Variants in CNTNAP2 observed in about 807,000 individuals in gnomAD.
CNTNAP2 encodes the protein contactin associated protein 2.
In CNTNAP2, 98 loss-of-function variants were observed where a neutral mutation model predicts 155.2. The ratio of observed to expected loss-of-function variants is 0.63; its 90% CI spans 0.54 to 0.75. The LOEUF (loss-of-function observed/expected upper bound fraction) is 0.75. Among genes scored for constraint, CNTNAP2 ranks in the 30% least tolerant of loss-of-function variants. CNTNAP2 has a pLI of 0.00. For synonymous variants in CNTNAP2, 651 were observed against 631.2 expected (o/e 1.03, Z -0.47); for missense variants, 1,727 against 1,688.1 (o/e 1.02, Z -0.40).
intron 11 of CNTNAP2, among the ~76,000 whole-genome samples, chr7:147,558,707 T>TCCTTCCTTCCTC (rs1799998619): frequency 2.4e-5 from 1 of 42,314 alleles, no homozygotes; most frequent in South Asian, 8.0e-4. Context: ...TTTCCTTCCT[T>TCCTTCCTTCCTC]CCTTCCTTCC....
chr7:148,172,127 A>G (rs1028127055), intron 17 of CNTNAP2, 115 bp from the exon 18 acceptor site: 1 of 1,028,618 alleles, frequency 9.7e-7, no homozygotes, highest in Non-Finnish European at 1.5e-6. Flanking sequence ...CTTGATAGTG[A>G]CAATACTAGA....
At chr7:148,111,734 G>A (rs1300622882) in intron 15 of CNTNAP2, among the ~76,000 whole-genome samples, 4 of 152,198 alleles carry the variant, frequency 2.6e-5, no homozygotes, top group Non-Finnish European at 5.9e-5. Context: ...TAAACAGAAA[G>A]CAGTTGCTTT....
At chr7:146,711,430 C>G (rs1184187874) in intron 1 of CNTNAP2, among the ~76,000 whole-genome samples, 1 of 146,512 alleles carries the variant, frequency 6.8e-6, no homozygotes, top group Non-Finnish European at 1.5e-5. Flanking sequence ...ATAATATATA[C>G]TATATAGGTA....
intron 1 of CNTNAP2, among the ~76,000 whole-genome samples, chr7:146,673,780 G>A (rs1476842077): frequency 6.6e-6 from 1 of 151,904 alleles, no homozygotes; most frequent in Non-Finnish European, 1.5e-5. Context: ...TAGAGGTCTT[G>A]CTGATTTGCC....
chr7:147,661,341 A>G (rs953386454), intron 13 of CNTNAP2, among the ~76,000 whole-genome samples: 2 of 152,094 alleles, frequency 1.3e-5, no homozygotes, highest in African/African-American at 4.8e-5. Flanking sequence ...AAATTTGGCT[A>G]ATGAAGTGTT....
chr7:146,363,169 AT>A (rs1358609037), intron 1 of CNTNAP2, among the ~76,000 whole-genome samples: 16 of 151,956 alleles, frequency 1.1e-4, no homozygotes, highest in African/African-American at 3.6e-4. Flanking sequence ...ACATGTACTA[AT>A]TTTTTCTAAT....
At chr7:148,004,571 T>C (rs1019033066) in intron 15 of CNTNAP2, among the ~76,000 whole-genome samples, 2 of 152,138 alleles carry the variant, frequency 1.3e-5, no homozygotes, top group African/African-American at 4.8e-5. Context: ...CATTAATTAT[T>C]TTTTCTCATT....
chr7:147,826,854 A>G (rs1798459284), intron 13 of CNTNAP2, among the ~76,000 whole-genome samples: 1 of 152,176 alleles, frequency 6.6e-6, no homozygotes, highest in African/African-American at 2.4e-5. Context: ...TCTTTTAACC[A>G]TCATATGGTC....
intron 1 of CNTNAP2, among the ~76,000 whole-genome samples, chr7:146,764,617 C>T: frequency 6.6e-6 from 1 of 151,958 alleles, no homozygotes; most frequent in East Asian, 1.9e-4. Context: ...GTTATACCAT[C>T]TGTTGGAAAT....
chr7:147,308,353 T>C (rs1795067895), intron 9 of CNTNAP2, among the ~76,000 whole-genome samples: 2 of 152,156 alleles, frequency 1.3e-5, no homozygotes, highest in Middle Eastern at 3.2e-3. Flanking sequence ...GCTGCTGTTT[T>C]GGTAAAAGGC....
At chr7:147,291,690 G>A (rs1459058339) in intron 8 of CNTNAP2, among the ~76,000 whole-genome samples, 1 of 152,056 alleles carries the variant, frequency 6.6e-6, no homozygotes, top group Non-Finnish European at 1.5e-5. Context: ...ATTAATATAT[G>A]TTTAACTTTA....
chr7:146,776,424 G>T (rs1802390847), intron 2 of CNTNAP2, among the ~76,000 whole-genome samples: 1 of 152,184 alleles, frequency 6.6e-6, no homozygotes, highest in African/African-American at 2.4e-5. Flanking sequence ...AGTCACCAAT[G>T]AGAAAATTGA....
intron 18 of CNTNAP2, 92 bp from the exon 19 acceptor site, chr7:148,217,196 G>A: frequency 4.9e-6 from 6 of 1,236,476 alleles, no homozygotes; most frequent in South Asian, 4.8e-5. Context: ...TGGAGCCAGT[G>A]CCTGCACTCC....
chr7:148,005,988 C>T (rs1801971067), intron 15 of CNTNAP2, among the ~76,000 whole-genome samples: 1 of 152,108 alleles, frequency 6.6e-6, no homozygotes, highest in Non-Finnish European at 1.5e-5. Flanking sequence ...TATGACCCTT[C>T]CAGACAGCAC....
At chr7:147,029,471 C>A (rs1363048863) in intron 3 of CNTNAP2, among the ~76,000 whole-genome samples, 1 of 151,668 alleles carries the variant, frequency 6.6e-6, no homozygotes, top group Non-Finnish European at 1.5e-5. Context: ...TGAGCAAACA[C>A]CATCTATTAG....
intron 2 of CNTNAP2, among the ~76,000 whole-genome samples, chr7:146,830,436 G>A (rs1049167173): frequency 4.0e-5 from 6 of 151,876 alleles, no homozygotes; most frequent in African/African-American, 1.5e-4. Context: ...CCTGATACTA[G>A]CTATTTATAT....
chr7:147,952,875 A>G (rs1800959336), intron 14 of CNTNAP2, among the ~76,000 whole-genome samples: 2 of 152,144 alleles, frequency 1.3e-5, no homozygotes, highest in African/African-American at 4.8e-5. Context: ...ATTACTATCT[A>G]CCAATGTATC....
chr7:146,174,935 C>T (rs2116826504), intron 1 of CNTNAP2, among the ~76,000 whole-genome samples: 1 of 152,142 alleles, frequency 6.6e-6, no homozygotes, highest in South Asian at 2.1e-4. Flanking sequence ...TCATAGATGC[C>T]CCCAACTTTC....
chr7:147,218,049 A>G (rs757991988), intron 8 of CNTNAP2, among the ~76,000 whole-genome samples: 39 of 151,982 alleles, frequency 2.6e-4, no homozygotes, highest in Admixed American at 2.0e-3. Flanking sequence ...TAGCCTAGCT[A>G]GAGGCTTATT....
Sources: gnomAD v4.1 joint callset for allele counts (sites outside exome capture counted in the v4.1 genomes callset) on GRCh38, gnomAD v4.1.1 for gene constraint, MANE v1.5 for transcripts, NCBI Gene and HGNC (gene_info 2026-07-23, HGNC 2026-07-21) for gene names.